Variants in SIAH3 observed in about 807,000 individuals in gnomAD.
The protein encoded by SIAH3 is seven in absentia homolog 3.
In SIAH3, 9 loss-of-function variants were observed where a neutral mutation model predicts 12.6. The observed-to-expected ratio is 0.72, with a 90% CI of 0.43 to 1.25. The LOEUF is 1.25. SIAH3 is among the 50% of genes most tolerant of loss of function. SIAH3 has a pLI of 0.00. For synonymous variants in SIAH3, 154 were observed against 151.1 expected, an observed-to-expected ratio of 1.02 and a Z score of -0.14; for missense variants, 390 against 365.4, an observed-to-expected ratio of 1.07 and a Z score of -0.55.
intron 1 of SIAH3, among the ~76,000 whole-genome samples, chr13:45,785,566 ACATG>A (rs937946795): frequency 6.6e-6 from 1 of 152,238 alleles, no homozygotes; most frequent in Non-Finnish European, 1.5e-5. Context: ...CACGCAATAC[ACATG>A]CATGCATACA....
intron 1 of SIAH3, among the ~76,000 whole-genome samples, chr13:45,820,729 G>C (rs980924790): frequency 6.6e-6 from 1 of 152,088 alleles, no homozygotes; most frequent in Admixed American, 6.6e-5. Flanking sequence ...GCAGTTTCTG[G>C]GTTACCTGGG....
intron 1 of SIAH3, among the ~76,000 whole-genome samples, chr13:45,799,191 G>A (rs1016385322): frequency 3.3e-5 from 5 of 152,172 alleles, no homozygotes; most frequent in African/African-American, 7.2e-5. Flanking sequence ...ATAAAGAGGC[G>A]GATGGGGTTG....
At chr13:45,821,792 A>G (rs1950656671) in intron 1 of SIAH3, among the ~76,000 whole-genome samples, 1 of 152,224 alleles carries the variant, frequency 6.6e-6, no homozygotes, top group Non-Finnish European at 1.5e-5. Flanking sequence ...GGCAGTCAAG[A>G]GACAGTTTGT....
At chr13:45,810,572 C>G (rs1950613121) in intron 1 of SIAH3, among the ~76,000 whole-genome samples, 1 of 152,042 alleles carries the variant, frequency 6.6e-6, no homozygotes, top group Non-Finnish European at 1.5e-5. Flanking sequence ...GAATTTTGTC[C>G]CAGTGCGTTT....
chr13:45,839,101 C>A (rs1463025576), intron 1 of SIAH3, among the ~76,000 whole-genome samples: 1 of 152,010 alleles, frequency 6.6e-6, no homozygotes, highest in Non-Finnish European at 1.5e-5. Context: ...TAGAGTATGG[C>A]CGCTAATGAG....
rs140025962 is a variant in SIAH3, at chr13:45,785,586, G to A, written c.136-1529C>T. ...AATACACATGCATGCATACACACAC[G>A]CTCATGACACATACATGTGCACACA... is the stretch of plus-strand genomic sequence containing the variant. On this transcript the variant is annotated intron_variant, in intron 1 of 1. Coordinates refer to ENST00000400405, the MANE Select transcript of SIAH3 (RefSeq NM_198849.3). 1.2e-3 allele frequency among the ~76,000 whole-genome samples: 178 copies of A among 152,312 alleles called. 1 individual carries two copies. Among genetic ancestry groups the A allele is most frequent in the African/African-American group, 4.0e-3 (167 of 41,576 alleles).
At chr13:45,810,964 G>T (rs2137564095) in intron 1 of SIAH3, among the ~76,000 whole-genome samples, 1 of 152,300 alleles carries the variant, frequency 6.6e-6, no homozygotes, top group Non-Finnish European at 1.5e-5. Flanking sequence ...TGGACATGTG[G>T]TTGAAGGATT....
chr13:45,807,288 AACT>A (rs1489186525), intron 1 of SIAH3, among the ~76,000 whole-genome samples: 4 of 152,210 alleles, frequency 2.6e-5, no homozygotes, highest in African/African-American at 9.6e-5. Context: ...AAAAAAAAAA[AACT>A]CAAGTGATTT....
intron 1 of SIAH3, among the ~76,000 whole-genome samples, chr13:45,800,614 C>A (rs1281659397): frequency 6.6e-6 from 1 of 152,158 alleles, no homozygotes; most frequent in African/African-American, 2.4e-5. Context: ...AGCAGCCAGG[C>A]CTTATTCGCT....
chr13:45,787,700 G>A (rs1305132823), intron 1 of SIAH3, among the ~76,000 whole-genome samples: 1 of 152,200 alleles, frequency 6.6e-6, no homozygotes, highest in Non-Finnish European at 1.5e-5. Flanking sequence ...GAGATGTCGG[G>A]TCATATTGCC....
At chr13:45,849,977 C>T (rs896917144) in intron 1 of SIAH3, among the ~76,000 whole-genome samples, 1 of 152,170 alleles carries the variant, frequency 6.6e-6, no homozygotes, top group African/African-American at 2.4e-5. Flanking sequence ...TTTTAATGTG[C>T]ATACTACATA....
intron 1 of SIAH3, among the ~76,000 whole-genome samples, chr13:45,799,695 G>C (rs1173107396): frequency 6.6e-6 from 1 of 152,144 alleles, no homozygotes; most frequent in Non-Finnish European, 1.5e-5. Context: ...TGTGCCCCAG[G>C]CTTCCCGCTC....
intron 1 of SIAH3, among the ~76,000 whole-genome samples, chr13:45,813,217 G>A (rs80059806): frequency 0.015 from 2,198 of 150,834 alleles, 46 homozygotes; most frequent in African/African-American, 0.051. Context: ...CCCGGACCCA[G>A]TGGGAACATG....
At chr13:45,796,117 T>C (rs994167383) in intron 1 of SIAH3, among the ~76,000 whole-genome samples, 3 of 152,220 alleles carry the variant, frequency 2.0e-5, no homozygotes, top group African/African-American at 7.2e-5. Flanking sequence ...GCTGGAAATA[T>C]AACTCGTGGT....
At chr13:45,822,520 AATATATATATATATATATATATAT>A (rs36106322) in intron 1 of SIAH3, among the ~76,000 whole-genome samples, 27 of 85,408 alleles carry the variant, frequency 3.2e-4, no homozygotes, top group African/African-American at 1.0e-3. Context: ...TTCATTATCA[AATATATATATATATATATATATAT>A]ATATATATAT....
intron 1 of SIAH3, among the ~76,000 whole-genome samples, chr13:45,789,404 CTATCTATCT>C (rs1476506072): frequency 1.2e-5 from 1 of 84,824 alleles, no homozygotes; most frequent in Non-Finnish European, 2.5e-5. Flanking sequence ...ATCTATCTAT[CTATCTATCT>C]ATCTATATGT....
intron 1 of SIAH3, among the ~76,000 whole-genome samples, chr13:45,801,099 G>C (rs1267848883): frequency 2.4e-5 from 3 of 125,902 alleles, no homozygotes; most frequent in Admixed American, 2.2e-4. Flanking sequence ...GGGTGGCGGG[G>C]GGGGGCATGG....
intron 1 of SIAH3, among the ~76,000 whole-genome samples, chr13:45,827,188 G>A (rs903020045): frequency 6.6e-6 from 1 of 152,174 alleles, no homozygotes; most frequent in African/African-American, 2.4e-5. Flanking sequence ...TGGAGGAGAG[G>A]ATCCTGACAA....
intron 1 of SIAH3, among the ~76,000 whole-genome samples, chr13:45,815,507 AAAT>A (rs1950631420): frequency 6.6e-6 from 1 of 152,162 alleles, no homozygotes; most frequent in Non-Finnish European, 1.5e-5. Flanking sequence ...CAATTTCTTA[AAAT>A]AAATCTCTCT....
Sources: allele counts gnomAD v4.1 joint callset (sites outside exome capture counted in the v4.1 genomes callset), GRCh38; gene constraint gnomAD v4.1.1; transcripts MANE v1.5; gene names NCBI Gene and HGNC (gene_info 2026-07-23, HGNC 2026-07-21).